BCAS4: variants seen among roughly 807,000 people sequenced by gnomAD.
The protein encoded by BCAS4 is breast carcinoma-amplified sequence 4.
BCAS4 carries 9 observed loss-of-function variants against 15.7 expected under a neutral mutation model. That is an observed-to-expected ratio of 0.57 (90% CI 0.34 to 1.00). BCAS4 has a LOEUF of 1.00. Among genes scored for constraint, BCAS4 ranks in the 50% least tolerant of loss-of-function variants. The pLI, the probability that BCAS4 is intolerant of heterozygous loss-of-function variation, is 0.02. For synonymous variants in BCAS4, 101 were observed against 99.5 expected (o/e 1.02, Z -0.09); for missense variants, 225 against 239.1 (o/e 0.94, Z 0.39).
At chr20:50,847,161 A>G (rs989751211) in intron 4 of BCAS4, among the ~76,000 whole-genome samples, 2 of 150,496 alleles carry the variant, frequency 1.3e-5, no homozygotes, top group Non-Finnish European at 3.0e-5. Flanking sequence ...ATCTCAGCTC[A>G]CTGCAACCTC....
At chr20:50,805,544 A>T (rs936154088) in intron 1 of BCAS4, among the ~76,000 whole-genome samples, 5 of 152,098 alleles carry the variant, frequency 3.3e-5, no homozygotes, top group Non-Finnish European at 7.4e-5. Context: ...AGCCCATTTA[A>T]ATAGGGCCTG....
At chr20:50,838,387 A>G (rs2088436281) in intron 3 of BCAS4, among the ~76,000 whole-genome samples, 1 of 152,154 alleles carries the variant, frequency 6.6e-6, no homozygotes, top group African/African-American at 2.4e-5. Context: ...GCTATATGAG[A>G]TCAGGTGCTC....
chr20:50,839,269 G>C (rs1345073715), intron 3 of BCAS4, among the ~76,000 whole-genome samples: 6 of 152,210 alleles, frequency 3.9e-5, no homozygotes, highest in Non-Finnish European at 7.3e-5. Flanking sequence ...ACTAACACAT[G>C]CCCATACATG....
chr20:50,848,162 G>A (rs898525658), intron 4 of BCAS4, among the ~76,000 whole-genome samples: 2 of 152,152 alleles, frequency 1.3e-5, no homozygotes, highest in Non-Finnish European at 2.9e-5. Flanking sequence ...AGGCTGGGGT[G>A]GGAAGATTGC....
At chr20:50,869,860 T>C (rs1979546267) in intron 4 of BCAS4, among the ~76,000 whole-genome samples, 1 of 149,490 alleles carries the variant, frequency 6.7e-6, no homozygotes. Context: ...GCAATTCTCC[T>C]GCCTCAGCCT....
intron 4 of BCAS4, among the ~76,000 whole-genome samples, chr20:50,875,619 A>G (rs1015015985): frequency 9.9e-5 from 15 of 151,206 alleles, no homozygotes; most frequent in African/African-American, 1.5e-4. Flanking sequence ...AAAAAAAAAA[A>G]AAAGAAAAAA....
intron 4 of BCAS4, among the ~76,000 whole-genome samples, chr20:50,868,672 C>T (rs1322749464): frequency 1.3e-5 from 2 of 152,236 alleles, no homozygotes; most frequent in Non-Finnish European, 2.9e-5. Flanking sequence ...GTCCTCCCAC[C>T]TTGGCCTCCC....
chr20:50,833,589 C>T (rs1251854668), intron 3 of BCAS4, among the ~76,000 whole-genome samples: 2 of 152,208 alleles, frequency 1.3e-5, no homozygotes, highest in African/African-American at 2.4e-5. Flanking sequence ...CGTTTCAAAG[C>T]GCTGATCTAG....
chr20:50,868,502 A>C (rs950661433), intron 4 of BCAS4, among the ~76,000 whole-genome samples: 2 of 152,128 alleles, frequency 1.3e-5, no homozygotes, highest in Non-Finnish European at 2.9e-5. Context: ...GGCTCACTGC[A>C]GCCTCGACCT....
At chr20:50,834,250 C>A (rs183312473) in intron 3 of BCAS4, among the ~76,000 whole-genome samples, 1 of 151,182 alleles carries the variant, frequency 6.6e-6, no homozygotes, top group Non-Finnish European at 1.5e-5. Context: ...TTGTAGAGAC[C>A]GGGGCTCACT....
intron 4 of BCAS4, among the ~76,000 whole-genome samples, chr20:50,852,377 T>C (rs1252373669): frequency 6.6e-6 from 1 of 151,800 alleles, no homozygotes; most frequent in Non-Finnish European, 1.5e-5. Flanking sequence ...TGTGTGTGTG[T>C]GTGTGTGTGT....
At chr20:50,838,021 C>T (rs992494435) in intron 3 of BCAS4, among the ~76,000 whole-genome samples, 1 of 143,032 alleles carries the variant, frequency 7.0e-6, no homozygotes, top group East Asian at 2.1e-4. Context: ...CACACACACA[C>T]ATGACGTGGC....
intron 1 of BCAS4, among the ~76,000 whole-genome samples, chr20:50,817,995 T>C (rs1481128265): frequency 6.6e-6 from 1 of 152,094 alleles, no homozygotes; most frequent in Non-Finnish European, 1.5e-5. Context: ...CTGCATAGAA[T>C]GGAGAGGCCG....
chr20:50,834,939 A>T (rs1257718060), intron 3 of BCAS4, among the ~76,000 whole-genome samples: 1 of 152,170 alleles, frequency 6.6e-6, no homozygotes, highest in Admixed American at 6.5e-5. Flanking sequence ...ACCATACTTC[A>T]TTTGTCCATG....
chr20:50,865,042 G>A (rs939839474), intron 4 of BCAS4, among the ~76,000 whole-genome samples: 3 of 152,032 alleles, frequency 2.0e-5, no homozygotes, highest in Admixed American at 6.6e-5. Context: ...GCAGTGAGCC[G>A]AGATCGCACC....
intron 2 of BCAS4, among the ~76,000 whole-genome samples, chr20:50,821,116 G>A (rs367576305): frequency 6.6e-6 from 1 of 152,134 alleles, no homozygotes; most frequent in South Asian, 2.1e-4. Context: ...GGCTGCTCCC[G>A]GGGAGCCTTC....
intron 3 of BCAS4, among the ~76,000 whole-genome samples, chr20:50,832,439 G>A (rs138963238): frequency 0.027 from 4,113 of 151,764 alleles, 168 homozygotes; most frequent in African/African-American, 0.093. Context: ...TGTATTTTTC[G>A]TAGAGACAGG....
downstream of BCAS4, chr20:50,880,727 C>A (rs1455629855): frequency 1.3e-5 from 2 of 152,200 alleles, no homozygotes; most frequent in African/African-American, 4.8e-5. Flanking sequence ...TCCCACTTTC[C>A]CAGCGGATGT....
chr20:50,863,217 G>T (rs187459728), intron 4 of BCAS4, among the ~76,000 whole-genome samples: 6 of 148,698 alleles, frequency 4.0e-5, no homozygotes, highest in Non-Finnish European at 5.9e-5. Flanking sequence ...CAACATGGTA[G>T]GTCAGGTTTT....
Sources: gnomAD v4.1 joint callset for allele counts (sites outside exome capture counted in the v4.1 genomes callset) on GRCh38, gnomAD v4.1.1 for gene constraint, MANE v1.5 for transcripts, NCBI Gene and HGNC (gene_info 2026-07-23, HGNC 2026-07-21) for gene names.